Variants in KLF13 observed in about 807,000 individuals in gnomAD.
KLF13 encodes Krueppel-like factor 13.
KLF13 carries 8 observed loss-of-function variants against 16.7 expected under a neutral mutation model. That is an observed-to-expected ratio of 0.48 (90% CI 0.28 to 0.87). KLF13 has a LOEUF of 0.87. Among genes scored for constraint, KLF13 ranks in the 40% least tolerant of loss-of-function variants. The pLI is 0.10. For synonymous variants in KLF13, 245 were observed against 208.4 expected (o/e 1.18, Z -1.51); for missense variants, 447 against 452.2 (o/e 0.99, Z 0.10).
chr15:31,363,674 C>T (rs529404256), intron 1 of KLF13, among the ~76,000 whole-genome samples: 8 of 152,018 alleles, frequency 5.3e-5, no homozygotes, highest in East Asian at 1.9e-4. Flanking sequence ...TTAGTAGAGA[C>T]GGGGTTTCAC....
chr15:31,424,394 G>T lies in KLF13; in HGVS notation n.118-10976G>T, dbSNP rs538520957. 2.0e-5 allele frequency among the ~76,000 whole-genome samples: 3 copies of T among 152,060 alleles called. 1 individual carries two copies. Among genetic ancestry groups the T allele is most frequent in the African/African-American group, 7.2e-5 (3 of 41,466 alleles). ...CCATGACCAAGTGGGATTTATTCCTGGAATACAAGGATGGTTTAACATATG... is the reference window on the plus strand; with the variant it reads ...CCATGACCAAGTGGGATTTATTCCTTGAATACAAGGATGGTTTAACATATG... On this transcript the variant is annotated intron_variant and non_coding_transcript_variant, in intron 1 of 1. Transcript: ENST00000558225.
intron 1 of KLF13, among the ~76,000 whole-genome samples, chr15:31,424,267 C>T (rs2040376798): frequency 6.6e-6 from 1 of 152,060 alleles, no homozygotes; most frequent in Non-Finnish European, 1.5e-5. Context: ...AAAGATACTA[C>T]AGGTAAAGAA....
intron 1 of KLF13, among the ~76,000 whole-genome samples, chr15:31,351,357 C>T (rs1435393141): frequency 1.3e-5 from 2 of 152,226 alleles, no homozygotes; most frequent in Non-Finnish European, 2.9e-5. Flanking sequence ...TCACAAGTCA[C>T]CACTGTTAAA....
At chr15:31,350,176 G>A (rs2039193949) in intron 1 of KLF13, among the ~76,000 whole-genome samples, 1 of 152,230 alleles carries the variant, frequency 6.6e-6, no homozygotes, top group African/African-American at 2.4e-5. Flanking sequence ...AGGGCAGGAA[G>A]CAGCCAGGGT....
chr15:31,344,905 C>T (rs1452394729), intron 1 of KLF13, among the ~76,000 whole-genome samples: 1 of 152,152 alleles, frequency 6.6e-6, no homozygotes, highest in Non-Finnish European at 1.5e-5. Flanking sequence ...CCGCAAGTAA[C>T]CAGGAGCAGG....
At chr15:31,411,392 T>A (rs971405238) in intron 1 of KLF13, among the ~76,000 whole-genome samples, 1 of 132,860 alleles carries the variant, frequency 7.5e-6, no homozygotes, top group Admixed American at 7.3e-5. Flanking sequence ...CCAACACATT[T>A]TTTTTTTCTT....
Position 31,377,216 on chromosome 15 carries a change from CCACGTGGGCTCATTAGCCCCAG to C in KLF13, c.*4919_*4940del, listed in dbSNP as rs1409006967. On this transcript the variant is annotated 3_prime_UTR_variant, in exon 2 of 2. Coordinates refer to ENST00000307145, the MANE Select transcript of KLF13 (RefSeq NM_015995.4). ...GCCACCTCCCATGTGGCTCTAGACA[CCACGTGGGCTCATTAGCCCCAG>C]CGTCTGTGCCGGCTCCAGGTGCCTG... 1 of 152,674 alleles carries C rather than the reference CCACGTGGGCTCATTAGCCCCAG, an allele frequency of 6.5e-6. No homozygotes were observed. The highest frequency in any genetic ancestry group is 2.4e-5 in the African/African-American group (1 of 41,438). 9.5% of individuals were successfully genotyped at this position (152,674 alleles called of 1,614,324 possible).
chr15:31,345,768 C>T (rs564689955), intron 1 of KLF13, among the ~76,000 whole-genome samples: 9 of 152,292 alleles, frequency 5.9e-5, no homozygotes, highest in South Asian at 2.1e-4. Context: ...AGTTCTGACC[C>T]GGGTGTCTGC....
chr15:31,398,286 G>A (rs2039983191), intron 2 of KLF13, among the ~76,000 whole-genome samples: 1 of 152,196 alleles, frequency 6.6e-6, no homozygotes, highest in Admixed American at 6.5e-5. Context: ...CAGCCCAGGT[G>A]TTAGGGGACA....
intron 1 of KLF13, among the ~76,000 whole-genome samples, chr15:31,359,174 T>C (rs1362776881): frequency 6.6e-6 from 1 of 152,192 alleles, no homozygotes; most frequent in Non-Finnish European, 1.5e-5. Flanking sequence ...TACTTATCCA[T>C]TGAGGAGCAA....
intron 1 of KLF13, among the ~76,000 whole-genome samples, chr15:31,434,648 G>C (rs1005740185): frequency 2.0e-5 from 3 of 152,200 alleles, no homozygotes; most frequent in East Asian, 3.8e-4. Flanking sequence ...GGCCTGAAGC[G>C]GGTTAAGAGC....
intron 1 of KLF13, among the ~76,000 whole-genome samples, chr15:31,347,455 C>T (rs1183967641): frequency 6.6e-6 from 1 of 152,146 alleles, no homozygotes; most frequent in African/African-American, 2.4e-5. Context: ...TGTGTGCTAG[C>T]GTCAAAGGGC....
chr15:31,347,722 G>A (rs2039147102), intron 1 of KLF13, among the ~76,000 whole-genome samples: 1 of 152,222 alleles, frequency 6.6e-6, no homozygotes, highest in South Asian at 2.1e-4. Flanking sequence ...CTCCCATCCT[G>A]CCATCCTGTG....
At chr15:31,369,438 C>T (rs6493627) in intron 1 of KLF13, among the ~76,000 whole-genome samples, 56,043 of 152,140 alleles carry the variant, frequency 0.37, 11,272 homozygotes, top group South Asian at 0.52. Context: ...GAGCTTGGCT[C>T]GGAGCTCTTG....
chr15:31,342,375 A>G (rs906351367), intron 1 of KLF13, among the ~76,000 whole-genome samples: 1 of 152,208 alleles, frequency 6.6e-6, no homozygotes, highest in African/African-American at 2.4e-5. Context: ...CCAGGGACGC[A>G]GTGCCCTGCT....
downstream of KLF13, chr15:31,404,766 A>G (rs2040093504): frequency 2.6e-5 from 4 of 152,174 alleles, no homozygotes; most frequent in South Asian, 8.3e-4. Context: ...GAGCTGTAAC[A>G]CTCACTGTGA....
At chr15:31,361,128 G>A (rs761732373) in intron 1 of KLF13, among the ~76,000 whole-genome samples, 5 of 152,234 alleles carry the variant, frequency 3.3e-5, no homozygotes, top group Admixed American at 6.5e-5. Flanking sequence ...CAAGCCTGCC[G>A]TGAAATAGGC....
Position 31,327,358 on chromosome 15 carries a change from TC to T in KLF13, c.147del (p.Glu50ArgfsTer19). On this transcript the variant is annotated frameshift_variant, in exon 1 of 2. Transcript: ENST00000307145. LOFTEE classifies it high-confidence loss of function. The stretch of plus-strand genomic sequence containing the variant: ...GCCGCCACCCCCACGCTGCCCCGCG[TC>T]GAGGAGCGCCGCGACGGTAAGGACA... The part of the protein sequence containing the change: ...AVAATPTLPR[V>X]EERRDGKDSA... 1 of 1,279,082 alleles carries T rather than the reference TC, an allele frequency of 7.8e-7. No homozygotes were observed. The highest frequency in any genetic ancestry group is 9.9e-7 in the Non-Finnish European group (1 of 1,014,374). The allele number at this position is 1,279,082 out of a possible 1,614,324, so 79.2% of individuals were successfully genotyped here.
intron 1 of KLF13, among the ~76,000 whole-genome samples, chr15:31,426,134 T>C (rs1469260358): frequency 6.6e-6 from 1 of 152,182 alleles, no homozygotes; most frequent in African/African-American, 2.4e-5. Context: ...CATATCATTA[T>C]CAGCACTTTG....
Sources: gnomAD v4.1 joint callset for allele counts (sites outside exome capture counted in the v4.1 genomes callset) on GRCh38, gnomAD v4.1.1 for gene constraint, MANE v1.5 for transcripts, NCBI Gene and HGNC (gene_info 2026-07-23, HGNC 2026-07-21) for gene names.